JMJD1C: variants seen among roughly 807,000 people sequenced by gnomAD.
The protein encoded by JMJD1C is jumonji domain-containing protein 1C.
Under a neutral mutation model 245.3 loss-of-function variants are expected in JMJD1C, and 31 were observed. The ratio of observed to expected loss-of-function variants is 0.13; its 90% CI spans 0.09 to 0.17. JMJD1C has a LOEUF of 0.17. JMJD1C is among the 10% of genes least tolerant of loss of function. JMJD1C has a pLI of 1.00. For synonymous variants in JMJD1C, 1,057 were observed against 1,017.4 expected (o/e 1.04, Z -0.74); for missense variants, 2,691 against 3,000.2 (o/e 0.90, Z 2.41).
chr10:63,371,298 T>C (rs1032199207), intron 2 of JMJD1C, among the ~76,000 whole-genome samples: 1 of 152,184 alleles, frequency 6.6e-6, no homozygotes, highest in Non-Finnish European at 1.5e-5. Flanking sequence ...ACTTTTTAAA[T>C]ACATAATTCT....
In JMJD1C at chr10:63,190,341, T is replaced by A. The variant is rs1564574974; in HGVS notation, c.6291+553A>T. The stretch of plus-strand genomic sequence containing the variant: ...GCCTCAGCCTCCCAAGTAGCTGGGA[T>A]TACAGACACGTGCCACCACACCTGG... On this transcript the variant is annotated intron_variant, in intron 17 of 25. Transcript: ENST00000399262. Among the ~76,000 whole-genome samples the A allele has an allele frequency of 1.3e-5, 2 of 151,934 alleles. 1 individual carries two copies. Among genetic ancestry groups the A allele is most frequent in the Non-Finnish European group, 2.9e-5 (2 of 67,990 alleles).
intron 2 of JMJD1C, among the ~76,000 whole-genome samples, chr10:63,334,369 A>G (rs1421702269): frequency 2.0e-5 from 3 of 152,224 alleles, no homozygotes; most frequent in Non-Finnish European, 2.9e-5. Flanking sequence ...ATACTAATGA[A>G]CACAGATGAA....
chr10:63,388,096 G>C (rs910125898), intron 1 of JMJD1C, among the ~76,000 whole-genome samples: 6 of 152,118 alleles, frequency 3.9e-5, no homozygotes, highest in African/African-American at 1.4e-4. Flanking sequence ...TGAAAACTTC[G>C]CAAGGCTGGC....
rs565218188 is a variant in JMJD1C at position 63,386,984 on chromosome 10, C to T, written c.169-6502G>A. 2.0e-5 allele frequency among the ~76,000 whole-genome samples: 3 copies of T among 152,250 alleles called. No individual in the cohort carries two copies. The South Asian group carries it at 6.2e-4, about 32-fold the overall frequency. ...AAGTGGCCCATGTGGCAACCCATTC[C>T]CTAATAAAATGTCACCACAGCTTCC... On this transcript the variant is annotated intron_variant, in intron 1 of 25. Coordinates refer to ENST00000399262, the MANE Select transcript of JMJD1C (RefSeq NM_032776.3).
In JMJD1C at chr10:63,446,801, A is replaced by T. The variant is rs561745782; in HGVS notation, c.168+18694T>A. ...ACCTTGATCACTGCAGTTTCCTTGG[A>T]GTAATGGGGGCAAAAGCCTTTCTAG... is the stretch of plus-strand genomic sequence containing the variant. On this transcript the variant is annotated intron_variant, in intron 1 of 25. Transcript: ENST00000399262. 3.4e-4 allele frequency among the ~76,000 whole-genome samples: 52 copies of T among 152,324 alleles called. No individual in the cohort carries two copies. The East Asian group carries it at 9.6e-3, about 28-fold the overall frequency.
At chr10:63,300,404 A>G (rs1417310145) in intron 2 of JMJD1C, among the ~76,000 whole-genome samples, 3 of 152,222 alleles carry the variant, frequency 2.0e-5, no homozygotes, top group Non-Finnish European at 2.9e-5. Flanking sequence ...ACATCATCTA[A>G]GTTTGCTACT....
Position 63,208,389 on chromosome 10 carries a change from A to T in JMJD1C, c.3280T>A (p.Phe1094Ile). The T allele has an allele frequency of 1.2e-6, 2 of 1,614,054 alleles. No homozygotes were observed. Among genetic ancestry groups the T allele is most frequent in the Non-Finnish European group, 1.7e-6 (2 of 1,179,958 alleles). Residue 1094 changes from phenylalanine to isoleucine, a missense_variant, in exon 10 of 26, where the codon TTC becomes ATC. Transcript: ENST00000399262. ...ACCACACTATTAGACAATGTAGTGAAATAGTTACTTTGGGGTAAACTCTGA... is the reference window on the plus strand; with the variant it reads ...ACCACACTATTAGACAATGTAGTGATATAGTTACTTTGGGGTAAACTCTGA... ...VPQSLPQSNYFTTLSNSVVNE... is the reference protein window; with the variant it reads ...VPQSLPQSNYITTLSNSVVNE...
chr10:63,500,814 CAGAT>C (rs1218575531), intron 1 of JMJD1C, among the ~76,000 whole-genome samples: 1 of 131,834 alleles, frequency 7.6e-6, no homozygotes, highest in Non-Finnish European at 1.7e-5. Flanking sequence ...CATGGATGCA[CAGAT>C]GGATGCATGG....
At chr10:63,196,853 A>C (rs997908943) in intron 13 of JMJD1C, among the ~76,000 whole-genome samples, 2 of 152,042 alleles carry the variant, frequency 1.3e-5, no homozygotes, top group Admixed American at 1.3e-4. Flanking sequence ...CTGGAGTGCA[A>C]TGGGGCAATC....
chr10:63,348,205 C>CA lies in JMJD1C; in HGVS notation c.333+32112dup, dbSNP rs35674300. On this transcript the variant is annotated intron_variant, in intron 2 of 25. Coordinates refer to ENST00000399262, the MANE Select transcript of JMJD1C (RefSeq NM_032776.3). ...TGGGGGACAGAGCGAGACTTCATCT[C>CA]AAAAAAAAAAAAAAAAAGGCATTCA... 4.3e-3 allele frequency among the ~76,000 whole-genome samples: 560 copies of CA among 129,910 alleles called. 2 individuals carry two copies. Among genetic ancestry groups the CA allele is most frequent in the South Asian group, 8.5e-3 (34 of 3,984 alleles). The allele number at this position is 129,910 out of a possible 152,430, so 85.2% of individuals were successfully genotyped here.
At position 63,198,562 on chromosome 10, in the gene JMJD1C, A is replaced by G. The variant is rs1267222480; in HGVS notation, c.5442T>C (p.Cys1814=). ...YILDIIGDKF[C]QLVTSEKTAL... Reference sequence around the variant, plus strand: ...CTGTTTTTTCAGATGTTACTAATTGACAGAACTTATCACCTATTATATCCA... The same window carrying G: ...CTGTTTTTTCAGATGTTACTAATTGGCAGAACTTATCACCTATTATATCCA... Residue 1814 remains cysteine, a synonymous_variant, in exon 12 of 26, where the codon TGT becomes TGC. Transcript: ENST00000399262. 6.2e-7 allele frequency: 1 copy of G among 1,610,998 alleles called. No homozygotes were observed. Among genetic ancestry groups the G allele is most frequent in the South Asian group, 1.1e-5 (1 of 90,782 alleles).
rs777733000 is a variant in JMJD1C, at chr10:63,207,582, T to G, written c.4087A>C (p.Ser1363Arg). 6.2e-7 allele frequency: 1 copy of G among 1,614,226 alleles called. No homozygotes were observed. The highest frequency in any genetic ancestry group is 8.5e-7 in the Non-Finnish European group (1 of 1,180,042). The change falls in exon 10 of 26, where the codon AGT becomes CGT. Residue 1363 changes from serine to arginine, a missense_variant. By Grantham distance (110) the Ser-to-Arg change is moderately radical (BLOSUM62 -1). Around this residue, in one of 9 missense-constraint regions of JMJD1C, gnomAD observed 1,562 missense variants for 1,490.7 expected, o/e 1.05. Coordinates refer to ENST00000399262, the MANE Select transcript of JMJD1C (RefSeq NM_032776.3). Reference protein sequence around the residue: ...RIILPNVNSDSVHTKSEKNFQ... With the variant: ...RIILPNVNSDRVHTKSEKNFQ... ...TTTTTTTCAGATTTTGTGTGAACAC[T>G]GTCTGAATTCACATTTGGCAAAATG...
chr10:63,443,713 C>CACT (rs1263655026), intron 1 of JMJD1C, among the ~76,000 whole-genome samples: 1 of 152,166 alleles, frequency 6.6e-6, no homozygotes, highest in African/African-American at 2.4e-5. Context: ...AGTCACTCCC[C>CACT]ACTCCCCAGA....
At chr10:63,290,115 T>C (rs1858466092) in intron 2 of JMJD1C, among the ~76,000 whole-genome samples, 1 of 151,866 alleles carries the variant, frequency 6.6e-6, no homozygotes, top group Non-Finnish European at 1.5e-5. Flanking sequence ...TGGGTCAAAA[T>C]AACCCAAACT....
At chr10:63,216,671 C>T (rs553379369) in intron 5 of JMJD1C, among the ~76,000 whole-genome samples, 2 of 152,116 alleles carry the variant, frequency 1.3e-5, no homozygotes, top group Non-Finnish European at 2.9e-5. Flanking sequence ...GATCATGCCA[C>T]TGCACTCCAG....
intron 1 of JMJD1C, among the ~76,000 whole-genome samples, chr10:63,447,312 C>A (rs1013098740): frequency 2.0e-5 from 3 of 152,178 alleles, no homozygotes; most frequent in African/African-American, 7.2e-5. Flanking sequence ...TTCTACAAAG[C>A]TTCTCAGACA....
intron 2 of JMJD1C, among the ~76,000 whole-genome samples, chr10:63,283,754 C>A (rs1857665027): frequency 6.6e-6 from 1 of 152,000 alleles, no homozygotes. Flanking sequence ...TTAGGTTAAA[C>A]AATATTTTGT....
chr10:63,360,789 C>CT (rs139124779), intron 2 of JMJD1C, among the ~76,000 whole-genome samples: 1 of 151,792 alleles, frequency 6.6e-6, no homozygotes, highest in Non-Finnish European at 1.5e-5. Flanking sequence ...AGTATAGTTT[C>CT]TTTTTTTATT....
chr10:63,245,563 A>C (rs950720188), intron 3 of JMJD1C, among the ~76,000 whole-genome samples: 4 of 141,406 alleles, frequency 2.8e-5, no homozygotes, highest in African/African-American at 1.1e-4. Flanking sequence ...GCTCACTGCA[A>C]TCTCTGCCTC....
Sources: gnomAD v4.1 joint callset for allele counts (sites outside exome capture counted in the v4.1 genomes callset) on GRCh38, gnomAD v4.1.1 for gene constraint, gnomAD v4.1.1 regional missense constraint, MANE v1.5 for transcripts, NCBI Gene and HGNC (gene_info 2026-07-23, HGNC 2026-07-21) for gene names.